The following QTMAN variants were observed in gnomAD, a reference collection of about 807,000 sequenced individuals.
The protein encoded by QTMAN is queuosine-tRNA mannosyltransferase, also known as tRNA-queuosine alpha-mannosyltransferase.
the QTMAN span, among the ~76,000 whole-genome samples, chr2:144,037,662 T>C: frequency 6.6e-6 from 1 of 152,198 alleles, no homozygotes; most frequent in African/African-American, 2.4e-5. Flanking sequence ...CAAAGAAACA[T>C]CTTTCAGATA....
At chr2:144,326,704 CAG>C in the QTMAN span, among the ~76,000 whole-genome samples, 20 of 151,448 alleles carry the variant, frequency 1.3e-4, 1 homozygote, top group Non-Finnish European at 2.5e-4. Context: ...ACACTGATAA[CAG>C]AACTTATTGT....
chr2:144,134,620 A>G, the QTMAN span, among the ~76,000 whole-genome samples: 1 of 152,158 alleles, frequency 6.6e-6, no homozygotes, highest in Non-Finnish European at 1.5e-5. Flanking sequence ...ATAGGAACAG[A>G]CAGTGAAATG....
the QTMAN span, among the ~76,000 whole-genome samples, chr2:144,121,148 A>G: frequency 6.6e-6 from 1 of 152,140 alleles, no homozygotes; most frequent in Non-Finnish European, 1.5e-5. Context: ...TGAATGAGAC[A>G]TGGGGTTTTA....
the QTMAN span, among the ~76,000 whole-genome samples, chr2:144,273,218 A>C: frequency 6.6e-6 from 1 of 152,188 alleles, no homozygotes; most frequent in African/African-American, 2.4e-5. Context: ...TAAAAAAAAA[A>C]AGTCTGTAAA....
chr2:144,221,637 A>T, the QTMAN span, among the ~76,000 whole-genome samples: 1 of 152,332 alleles, frequency 6.6e-6, no homozygotes, highest in African/African-American at 2.4e-5. Context: ...AGAAGCTACA[A>T]CATTTTTCTT....
chr2:144,048,739 C>A, the QTMAN span, among the ~76,000 whole-genome samples: 5 of 152,048 alleles, frequency 3.3e-5, no homozygotes, highest in African/African-American at 1.2e-4. Flanking sequence ...TTCATCTACT[C>A]CCTCCCACTA....
the QTMAN span, among the ~76,000 whole-genome samples, chr2:144,208,334 C>G: frequency 0.043 from 6,539 of 152,228 alleles, 214 homozygotes; most frequent in South Asian, 0.11. Flanking sequence ...AATTGTTACC[C>G]ATACCCATAC....
the QTMAN span, among the ~76,000 whole-genome samples, chr2:144,288,384 C>T: frequency 6.6e-6 from 1 of 152,050 alleles, no homozygotes; most frequent in East Asian, 1.9e-4. Flanking sequence ...ATACTTTTTA[C>T]GATTAAATGT....
chr2:143,991,377 T>G, the QTMAN span, among the ~76,000 whole-genome samples: 1 of 152,176 alleles, frequency 6.6e-6, no homozygotes, highest in African/African-American at 2.4e-5. Flanking sequence ...TTTAAATAAC[T>G]TCTCGGTGGG....
At chr2:144,276,730 T>C in the QTMAN span, among the ~76,000 whole-genome samples, 3 of 152,126 alleles carry the variant, frequency 2.0e-5, no homozygotes, top group African/African-American at 7.2e-5. Flanking sequence ...GGATACACCA[T>C]CAAGAACTGG....
the QTMAN span, among the ~76,000 whole-genome samples, chr2:144,028,001 C>T: frequency 6.6e-6 from 1 of 152,100 alleles, no homozygotes; most frequent in African/African-American, 2.4e-5. Context: ...CCTTCGACCA[C>T]TTCTAACAGT....
chr2:143,988,256 G>A, the QTMAN span, among the ~76,000 whole-genome samples: 1,828 of 152,276 alleles, frequency 0.012, 12 homozygotes, highest in Middle Eastern at 0.02. Context: ...GTGGTGCTGC[G>A]TCATGCTGAG....
At chr2:144,067,926 C>A in the QTMAN span, among the ~76,000 whole-genome samples, 1 of 152,146 alleles carries the variant, frequency 6.6e-6, no homozygotes, top group East Asian at 1.9e-4. Flanking sequence ...GGGAGGATGA[C>A]CTGTTATTAA....
the QTMAN span, among the ~76,000 whole-genome samples, chr2:144,319,567 A>C: frequency 6.6e-6 from 1 of 151,958 alleles, no homozygotes; most frequent in Non-Finnish European, 1.5e-5. Context: ...ATTTATATAT[A>C]TATATATTTT....
chr2:144,171,688 T>C, the QTMAN span, among the ~76,000 whole-genome samples: 1 of 151,870 alleles, frequency 6.6e-6, no homozygotes, highest in Non-Finnish European at 1.5e-5. Flanking sequence ...ACCAAAAGAG[T>C]AGAAACCACA....
At chr2:144,057,477 T>C in the QTMAN span, among the ~76,000 whole-genome samples, 1 of 152,288 alleles carries the variant, frequency 6.6e-6, no homozygotes, top group African/African-American at 2.4e-5. Flanking sequence ...AATCATTAAA[T>C]AAATCCTCAA....
chr2:144,283,703 C>T, the QTMAN span, among the ~76,000 whole-genome samples: 1 of 151,904 alleles, frequency 6.6e-6, no homozygotes, highest in African/African-American at 2.4e-5. Flanking sequence ...GTTTGACAAA[C>T]ATAATATTAA....
At chr2:144,008,239 A>G in the QTMAN span, among the ~76,000 whole-genome samples, 1 of 152,068 alleles carries the variant, frequency 6.6e-6, no homozygotes, top group African/African-American at 2.4e-5. Context: ...GCAAACCATT[A>G]GTGCTTAGAG....
the QTMAN span, among the ~76,000 whole-genome samples, chr2:144,202,147 G>A: frequency 6.6e-6 from 1 of 152,130 alleles, no homozygotes; most frequent in African/African-American, 2.4e-5. Flanking sequence ...TAATGGAAAG[G>A]ACAATGTGCC....
Sources: allele counts gnomAD v4.1 joint callset (sites outside exome capture counted in the v4.1 genomes callset), GRCh38; gene constraint gnomAD v4.1.1; transcripts MANE v1.5; gene names NCBI Gene and HGNC (gene_info 2026-07-23, HGNC 2026-07-21).